The following UBE4B variants were observed in gnomAD, a reference collection of about 807,000 sequenced individuals.
The protein encoded by UBE4B is ubiquitination factor E4B.
UBE4B carries 27 observed loss-of-function variants against 148.1 expected under a neutral mutation model. The ratio of observed to expected loss-of-function variants is 0.18; its 90% CI spans 0.13 to 0.25. The LOEUF (loss-of-function observed/expected upper bound fraction) is 0.25, where lower values mean the gene tolerates loss of function less well. UBE4B is among the 10% of genes least tolerant of loss of function. The pLI is 1.00. For synonymous variants in UBE4B, 596 were observed against 619.3 expected (o/e 0.96, Z 0.56); for missense variants, 1,170 against 1,662.4 (o/e 0.70, Z 5.15).
At chr1:10,123,315 C>T (rs1361876977) in intron 10 of UBE4B, among the ~76,000 whole-genome samples, 1 of 150,864 alleles carries the variant, frequency 6.6e-6, no homozygotes, top group East Asian at 1.9e-4. Context: ...TCTGTAATCC[C>T]AGCTACTTGG....
rs145543927 is a variant in UBE4B at position 10,097,024 on chromosome 1, G to A, written c.347+1428G>A. Among the ~76,000 whole-genome samples the A allele has an allele frequency of 5.5e-3, 816 of 147,856 alleles. 12 individuals carry two copies. The highest frequency in any genetic ancestry group is 0.02 in the African/African-American group (786 of 40,156). On this transcript the variant is annotated intron_variant, in intron 3 of 27. Coordinates refer to ENST00000343090, the MANE Select transcript of UBE4B (RefSeq NM_001105562.3). ...ACTGCCCTCCAGCCTGGGTGACAGAGTAAGACTCTGCATCAAAAAAAAAAA... is the reference window on the plus strand; with the variant it reads ...ACTGCCCTCCAGCCTGGGTGACAGAATAAGACTCTGCATCAAAAAAAAAAA...
At position 10,108,207 on chromosome 1, in the gene UBE4B, C is replaced by T. The variant is rs146367608; in HGVS notation, c.1196+1624C>T. On this transcript the variant is annotated intron_variant, in intron 7 of 27. Transcript: ENST00000343090. ...TCCCACCCCCTCCCAGCCTCCACCG[C>T]CCCCCTGTTCACCCCCATTGAGCTC... Among the ~76,000 whole-genome samples the T allele has an allele frequency of 3.4e-3, 511 of 150,484 alleles. 4 individuals carry two copies. The highest frequency in any genetic ancestry group is 0.012 in the African/African-American group (475 of 40,798).
At chr1:10,038,872 G>A (rs114766396) in intron 1 of UBE4B, among the ~76,000 whole-genome samples, 3,896 of 151,972 alleles carry the variant, frequency 0.026, 161 homozygotes, top group African/African-American at 0.09. Context: ...CGAGGCAGGC[G>A]GATCACGTGA....
intron 2 of UBE4B, among the ~76,000 whole-genome samples, chr1:10,077,152 A>T (rs1193463578): frequency 2.6e-5 from 4 of 152,174 alleles, no homozygotes; most frequent in Non-Finnish European, 5.9e-5. Context: ...ATTTTCTCAC[A>T]GTTCTAGAGG....
At chr1:10,169,629 A>T (rs1219430303) in intron 24 of UBE4B, among the ~76,000 whole-genome samples, 5 of 152,258 alleles carry the variant, frequency 3.3e-5, no homozygotes, top group South Asian at 2.1e-4. Context: ...AAGGCCAGAT[A>T]GTAAATAGTT....
intron 1 of UBE4B, among the ~76,000 whole-genome samples, chr1:10,056,915 C>T (rs990164730): frequency 2.6e-5 from 4 of 152,152 alleles, no homozygotes; most frequent in African/African-American, 7.2e-5. Context: ...CAGCCTCAGC[C>T]TCCCCAGCCC....
chr1:10,066,915 C>A (rs1254864916), intron 1 of UBE4B, among the ~76,000 whole-genome samples: 2 of 151,836 alleles, frequency 1.3e-5, no homozygotes, highest in East Asian at 1.9e-4. Flanking sequence ...CAAAAAAAAA[C>A]CAAAACAGAA....
rs764622230 is a variant in UBE4B at position 10,119,554 on chromosome 1, C to T, written c.1380C>T (p.Ile460=). Residue 460 remains isoleucine (I), a synonymous_variant, in exon 9 of 28, where the codon ATC becomes ATT. Coordinates refer to ENST00000343090, the MANE Select transcript of UBE4B (RefSeq NM_001105562.3). ...CAGTCAGCCAGCTTCTGAGCAACATCCGCTCACAGTGCATATCCCATACTG... is the reference window on the plus strand; with the variant it reads ...CAGTCAGCCAGCTTCTGAGCAACATTCGCTCACAGTGCATATCCCATACTG... ...QPAVSQLLSN[I]RSQCISHTAL... 2.5e-6 allele frequency: 4 copies of T among 1,613,818 alleles called. No homozygotes were observed. The East Asian group carries it at 6.7e-5, about 27-fold the overall frequency.
chr1:10,106,033 G>A lies in UBE4B; in HGVS notation c.810-164G>A, dbSNP rs535971016. Among the ~76,000 whole-genome samples, 1 of 152,158 alleles carries A rather than the reference G, an allele frequency of 6.6e-6. No homozygotes were observed. The highest frequency in any genetic ancestry group is 6.6e-5 in the Admixed American group (1 of 15,266). ...TATCGTCTTGTAAGTATAGCCTCTA[G>A]ATCAATAGGGCAATTAGATTATAAT... On this transcript the variant is annotated intron_variant, in intron 6 of 27. Coordinates refer to ENST00000343090, the MANE Select transcript of UBE4B (RefSeq NM_001105562.3). This position sits in a 1 kb window ranked among gnomAD's most constrained non-coding sequence, Gnocchi z 4.2.
rs1645093265 is a variant in UBE4B at position 10,105,646 on chromosome 1, G to A, written c.711G>A (p.Arg237=). Residue 237 remains arginine (R), a synonymous_variant, in exon 6 of 28, where the codon CGG becomes CGA. Transcript: ENST00000343090. ...ATSQPIAAAA[R]SPDRNLLLNT... is the part of the protein sequence containing the mutation. ...CACAGCCAATTGCTGCAGCAGCACG[G>A]TCACCAGACAGAAATCTCTTGCTAA... 1 of 1,614,078 alleles carries A rather than the reference G, an allele frequency of 6.2e-7. No homozygotes were observed. Among genetic ancestry groups the A allele is most frequent in the African/African-American group, 1.3e-5 (1 of 74,928 alleles).
At chr1:10,085,056 C>A (rs933188337) in intron 2 of UBE4B, among the ~76,000 whole-genome samples, 1 of 152,108 alleles carries the variant, frequency 6.6e-6, no homozygotes, top group African/African-American at 2.4e-5. Context: ...GATAAAGTTA[C>A]GATTTTGAAA....
chr1:10,117,121 T>G (rs1417664693), intron 7 of UBE4B, among the ~76,000 whole-genome samples: 13 of 152,222 alleles, frequency 8.5e-5, no homozygotes, highest in Admixed American at 8.5e-4. Flanking sequence ...GGCTTTAACC[T>G]ACAGCCCTCT....
intron 1 of UBE4B, chr1:10,059,556 C>G (rs945491691): frequency 9.2e-6 from 2 of 216,684 alleles, no homozygotes; most frequent in Admixed American, 8.3e-5. Context: ...ATGAATTGAA[C>G]AGGAGGAGCT....
Position 10,171,238 on chromosome 1 carries a change from G to A in UBE4B, c.3434G>A (p.Gly1145Asp). The change falls in exon 25 of 28, where the codon GGC becomes GAC. Residue 1145 changes from glycine (G) to aspartate (D), a missense_variant. Gly to Asp is a moderately conservative substitution (Grantham distance 94). Transcript: ENST00000343090. ...DLKVENPEKYGFEPKKLLDQL... is the reference protein window; with the variant it reads ...DLKVENPEKYDFEPKKLLDQL... Reference sequence around the variant, plus strand: ...AAAGTTGAAAACCCTGAGAAATACGGCTTTGAACCAAAGAAGCTGTTGGAC... The same window carrying A: ...AAAGTTGAAAACCCTGAGAAATACGACTTTGAACCAAAGAAGCTGTTGGAC... The A allele has an allele frequency of 6.2e-7, 1 of 1,614,208 alleles. No homozygotes were observed. The highest frequency in any genetic ancestry group is 8.5e-7 in the Non-Finnish European group (1 of 1,180,042).
At position 10,106,867 on chromosome 1, in the gene UBE4B, C is replaced by T. The variant is rs1446120780; in HGVS notation, c.1196+284C>T. ...CCTTTTTGGCCTTTTGTCCTGTTGC[C>T]AGTGGTAGTTGAAATGCTATCAGAC... On this transcript the variant is annotated intron_variant, in intron 7 of 27. Coordinates refer to ENST00000343090, the MANE Select transcript of UBE4B (RefSeq NM_001105562.3). The surrounding 1 kb of genome is among the most constrained non-coding windows in gnomAD (Gnocchi z 4.2). 2.0e-5 allele frequency among the ~76,000 whole-genome samples: 3 copies of T among 152,036 alleles called. No homozygotes were observed. The highest frequency in any genetic ancestry group is 1.3e-4 in the Admixed American group (2 of 15,256).
At chr1:10,079,433 TACA>T (rs1644639854) in intron 2 of UBE4B, among the ~76,000 whole-genome samples, 3 of 152,204 alleles carry the variant, frequency 2.0e-5, no homozygotes, top group Admixed American at 2.0e-4. Flanking sequence ...GTGCTGGGAT[TACA>T]GGTGTGAGCC....
At chr1:10,092,582 C>T (rs543963613) in intron 2 of UBE4B, among the ~76,000 whole-genome samples, 27 of 151,926 alleles carry the variant, frequency 1.8e-4, no homozygotes, top group African/African-American at 6.5e-4. Context: ...AATCCTAACA[C>T]TTTGGGAGAC....
At chr1:10,050,034 G>A (rs564665531) in intron 1 of UBE4B, among the ~76,000 whole-genome samples, 1 of 152,244 alleles carries the variant, frequency 6.6e-6, no homozygotes, top group South Asian at 2.1e-4. Flanking sequence ...AAAAACTGAA[G>A]ATGGCAAATA....
At chr1:10,100,079 T>C (rs1048843730) in intron 3 of UBE4B, among the ~76,000 whole-genome samples, 10 of 152,212 alleles carry the variant, frequency 6.6e-5, no homozygotes, top group Non-Finnish European at 1.0e-4. Flanking sequence ...GAGCTCTGCC[T>C]CCCGGGTTCA....
Sources: allele counts gnomAD v4.1 joint callset (sites outside exome capture counted in the v4.1 genomes callset), GRCh38; gene constraint gnomAD v4.1.1; non-coding constraint Gnocchi (gnomAD v3.1); transcripts MANE v1.5; gene names NCBI Gene and HGNC (gene_info 2026-07-23, HGNC 2026-07-21).